MEGF9: variants seen among roughly 807,000 people sequenced by gnomAD.
MEGF9 encodes multiple epidermal growth factor-like domains protein 9.
In MEGF9, 6 loss-of-function variants were observed where a neutral mutation model predicts 46.8. The ratio of observed to expected loss-of-function variants is 0.13; its 90% CI spans 0.07 to 0.25. MEGF9 has a LOEUF of 0.25. Ranked by LOEUF, MEGF9 falls within the 10% of genes least tolerant of loss-of-function variation. The pLI, the probability that MEGF9 is intolerant of heterozygous loss-of-function variation, is 1.00. For missense variants in MEGF9, 683 were observed against 792.4 expected (o/e 0.86, Z 1.66); for synonymous variants, 302 against 330.7 (o/e 0.91, Z 0.94).
intron 1 of MEGF9, among the ~76,000 whole-genome samples, chr9:120,701,090 G>A (rs1333312910): frequency 1.3e-5 from 2 of 151,364 alleles, no homozygotes; most frequent in East Asian, 3.9e-4. Context: ...CTGCACTCCA[G>A]GCTGGGTGAC....
intron 2 of MEGF9, among the ~76,000 whole-genome samples, chr9:120,646,171 C>G (rs746297855): frequency 6.6e-6 from 1 of 152,160 alleles, no homozygotes; most frequent in Non-Finnish European, 1.5e-5. Flanking sequence ...TGACTACTCT[C>G]CATATTTTAA....
At chr9:120,682,181 G>A (rs1366379007) in intron 1 of MEGF9, among the ~76,000 whole-genome samples, 1 of 152,130 alleles carries the variant, frequency 6.6e-6, no homozygotes, top group African/African-American at 2.4e-5. Flanking sequence ...ATCATCAGAG[G>A]CCTATTAATG....
chr9:120,645,540 T>A (rs1034503038), intron 2 of MEGF9, among the ~76,000 whole-genome samples: 1 of 152,204 alleles, frequency 6.6e-6, no homozygotes, highest in Non-Finnish European at 1.5e-5. Flanking sequence ...ATCACATTCC[T>A]TTTATACCTA....
At position 120,690,847 on chromosome 9, in the gene MEGF9, G is replaced by C. The variant is rs189003716; in HGVS notation, c.601+22911C>G. On this transcript the variant is annotated intron_variant, in intron 1 of 5. Transcript: ENST00000373930. ...TACTTTAAATTCTAACATAACAAAAGAAGAAATTAGGTAATCAAAATAAAA... is the reference window on the plus strand; with the variant it reads ...TACTTTAAATTCTAACATAACAAAACAAGAAATTAGGTAATCAAAATAAAA... Among the ~76,000 whole-genome samples the C allele has an allele frequency of 3.2e-3, 483 of 152,028 alleles. 2 individuals are homozygous for C. The highest frequency in any genetic ancestry group is 4.5e-3 in the Non-Finnish European group (309 of 67,930).
At chr9:120,658,307 C>CTACA (rs2043686722) in intron 2 of MEGF9, among the ~76,000 whole-genome samples, 1 of 152,110 alleles carries the variant, frequency 6.6e-6, no homozygotes, top group South Asian at 2.1e-4. Context: ...TTTTAATAAA[C>CTACA]TACAATATGA....
intron 2 of MEGF9, among the ~76,000 whole-genome samples, chr9:120,657,692 G>C (rs1351319018): frequency 1.3e-5 from 2 of 152,108 alleles, no homozygotes; most frequent in African/African-American, 4.8e-5. Flanking sequence ...GGGAGTGGAG[G>C]GAACAGCGTT....
chr9:120,605,323 T>C lies in MEGF9; in HGVS notation c.1676A>G (p.Asn559Ser), dbSNP rs375532860. ...PFWTIELKED[N>S]ISFSSYHDSI... Reference sequence around the variant, plus strand: ...GTCATGGTAGCTGCTGAAACTGATATTGTCTTCTTTCAGCTCGATGGTCCA... The same window carrying C: ...GTCATGGTAGCTGCTGAAACTGATACTGTCTTCTTTCAGCTCGATGGTCCA... Residue 559 changes from asparagine (N) to serine (S), a missense_variant, in exon 6 of 6, where the codon AAT becomes AGT. Around this residue, in one of 2 missense-constraint regions of MEGF9, gnomAD observed 313 missense variants for 421.1 expected, o/e 0.74. Coordinates refer to ENST00000373930, the MANE Select transcript of MEGF9 (RefSeq NM_001080497.3). The surrounding 1 kb of genome is among the most constrained non-coding windows in gnomAD (Gnocchi z 4.0). 1.1e-5 allele frequency: 18 copies of C among 1,614,050 alleles called. No individual in the cohort carries two copies. The highest frequency in any genetic ancestry group is 1.6e-4 in the Middle Eastern group (1 of 6,062).
intron 2 of MEGF9, among the ~76,000 whole-genome samples, chr9:120,639,017 T>C (rs981700503): frequency 1.3e-5 from 2 of 152,234 alleles, no homozygotes; most frequent in African/African-American, 4.8e-5. Context: ...GTAAAAATTC[T>C]TTATATACTT....
chr9:120,666,866 T>C (rs956041333), intron 1 of MEGF9, among the ~76,000 whole-genome samples: 1 of 152,066 alleles, frequency 6.6e-6, no homozygotes, highest in African/African-American at 2.4e-5. Context: ...TTAAATGCAT[T>C]ATGCTAAATG....
intron 2 of MEGF9, among the ~76,000 whole-genome samples, chr9:120,644,032 T>A (rs929530455): frequency 5.3e-5 from 8 of 152,210 alleles, no homozygotes; most frequent in African/African-American, 1.9e-4. Flanking sequence ...TAACTTCGTA[T>A]GTAATCAGGA....
Position 120,605,529 on chromosome 9 carries a change from C to G in MEGF9, c.1470G>C (p.Gln490His). ...CAGAAGTGCTTACTGAAAAGATAGT[C>G]TGCAGGGTTGTAGGGGTAAAAGTAC... ...INSTFTPTTLQTIFSVSTSEN... is the reference protein window; with the variant it reads ...INSTFTPTTLHTIFSVSTSEN... Residue 490 changes from glutamine to histidine, a missense_variant, in exon 6 of 6, where the codon CAG becomes CAC. Transcript: ENST00000373930. This position sits in a 1 kb window ranked among gnomAD's most constrained non-coding sequence, Gnocchi z 4.0. The G allele has an allele frequency of 1.2e-6, 2 of 1,613,694 alleles. No individual in the cohort carries two copies. The highest frequency in any genetic ancestry group is 1.7e-6 in the Non-Finnish European group (2 of 1,179,720).
rs184872038 is a variant in MEGF9, at chr9:120,665,989, G to A, written c.602-6414C>T. ...TTTATACCTATGCCATGTTGTTTTG[G>A]TTACTATAGTTTTGTAGTATATTTT... On this transcript the variant is annotated intron_variant, in intron 1 of 5. Coordinates refer to ENST00000373930, the MANE Select transcript of MEGF9 (RefSeq NM_001080497.3). 1.7e-4 allele frequency among the ~76,000 whole-genome samples: 26 copies of A among 152,128 alleles called. No homozygotes were observed. In the East Asian group the frequency reaches 1.9e-3, roughly 11 times the overall value.
intron 1 of MEGF9, among the ~76,000 whole-genome samples, chr9:120,698,065 A>G (rs1335998083): frequency 6.6e-6 from 1 of 152,120 alleles, no homozygotes; most frequent in Non-Finnish European, 1.5e-5. Flanking sequence ...TTACTATTAT[A>G]CTCATGTTAC....
At chr9:120,702,339 T>C (rs2043909308) in intron 1 of MEGF9, among the ~76,000 whole-genome samples, 1 of 152,238 alleles carries the variant, frequency 6.6e-6, no homozygotes, top group Admixed American at 6.5e-5. Flanking sequence ...TAATATCATC[T>C]GACTTGATCT....
chr9:120,676,836 C>G (rs2043775260), intron 1 of MEGF9, among the ~76,000 whole-genome samples: 1 of 152,188 alleles, frequency 6.6e-6, no homozygotes, highest in Non-Finnish European at 1.5e-5. Flanking sequence ...TGCATGAATA[C>G]TTAGCTTTAC....
chr9:120,605,456 T>G lies in MEGF9; in HGVS notation c.1543A>C (p.Ile515Leu). 6.2e-7 allele frequency: 1 copy of G among 1,614,050 alleles called. No homozygotes were observed. The highest frequency in any genetic ancestry group is 8.5e-7 in the Non-Finnish European group (1 of 1,179,898). ...ATGATGATGACTGTCAAAATGATGA[T>G]GTTAAATTGGGTCCATGATACATCA... ...LADVSWTQFN[I>L]IILTVIIIVV... The change falls in exon 6 of 6, where the codon ATC becomes CTC. Residue 515 changes from isoleucine to leucine, a missense_variant. Ile to Leu is a conservative substitution (Grantham distance 5). Transcript: ENST00000373930. This position sits in a 1 kb window ranked among gnomAD's most constrained non-coding sequence, Gnocchi z 4.0.
At chr9:120,644,976 G>C (rs567275250) in intron 2 of MEGF9, among the ~76,000 whole-genome samples, 7 of 152,338 alleles carry the variant, frequency 4.6e-5, no homozygotes, top group African/African-American at 1.7e-4. Flanking sequence ...AGAGAAGTGT[G>C]CAATTGCTTT....
At chr9:120,629,301 A>C (rs2043540497) in intron 2 of MEGF9, among the ~76,000 whole-genome samples, 1 of 152,128 alleles carries the variant, frequency 6.6e-6, no homozygotes, top group Non-Finnish European at 1.5e-5. Flanking sequence ...ATTAATCTGA[A>C]CAACAGAGCC....
At position 120,711,844 on chromosome 9, in the gene MEGF9, TACAC is replaced by T. The variant is rs924373123; in HGVS notation, c.601+1910_601+1913del. Reference sequence around the variant, plus strand: ...CAAATGCTTTCTATACATACATACATACACACACACACACACACACACACACACC... The same window carrying T: ...CAAATGCTTTCTATACATACATACATACACACACACACACACACACACACC... On this transcript the variant is annotated intron_variant, in intron 1 of 5. Coordinates refer to ENST00000373930, the MANE Select transcript of MEGF9 (RefSeq NM_001080497.3). Among the ~76,000 whole-genome samples the T allele has an allele frequency of 1.6e-4, 23 of 143,566 alleles. 1 individual carries two copies. In the South Asian group the frequency reaches 1.8e-3, roughly 11 times the overall value. The allele number at this position is 143,566 out of a possible 152,430, so 94.2% of individuals were successfully genotyped here. A position where few individuals can be genotyped will look rare whatever the true frequency, so the allele number is the denominator to read the frequency against.
Sources: allele counts gnomAD v4.1 joint callset (sites outside exome capture counted in the v4.1 genomes callset), GRCh38; gene constraint gnomAD v4.1.1; regional missense constraint gnomAD v4.1.1; non-coding constraint Gnocchi (gnomAD v3.1); transcripts MANE v1.5; gene names NCBI Gene and HGNC (gene_info 2026-07-23, HGNC 2026-07-21).